DMD: variants seen among roughly 807,000 people sequenced by gnomAD.
DMD encodes the protein mutant dystrophin.
In DMD, 63 loss-of-function variants were observed where a neutral mutation model predicts 330.1. The ratio of observed to expected loss-of-function variants is 0.19; its 90% confidence interval spans 0.16 to 0.24. The LOEUF is 0.24. Ranked by LOEUF, DMD falls within the 10% of genes least tolerant of loss-of-function variation. The probability of loss-of-function intolerance (pLI) is 1.00; values close to 1 mark genes in which losing one functional copy is unlikely to be tolerated. For missense variants in DMD, 3,344 were observed against 2,684.1 expected (o/e 1.25, Z -5.43); for synonymous variants, 1,223 against 959.8 (o/e 1.27, Z -5.07).
intron 60 of DMD, among the ~76,000 whole-genome samples, chrX:31,367,207 T>C (rs4829221): frequency 4.5e-5 from 5 of 110,119 alleles, no homozygotes; most frequent in African/African-American, 1.7e-4. Context: ...GAAAATCTTG[T>C]TCCTTTCCTC....
At chrX:32,973,705 C>T (rs1435274398) in intron 2 of DMD, among the ~76,000 whole-genome samples, 1 of 111,828 alleles carries the variant, frequency 8.9e-6, no homozygotes, top group Non-Finnish European at 1.9e-5. Flanking sequence ...TGTGTCCTAT[C>T]TGAATTTATT....
chrX:32,915,128 T>C (rs1237298915), intron 2 of DMD, among the ~76,000 whole-genome samples: 1 of 101,087 alleles, frequency 9.9e-6, no homozygotes, highest in Non-Finnish European at 2.1e-5. Context: ...ATTCAGGCAA[T>C]GTTTACTATC....
At chrX:33,143,403 A>C (rs1299191809) in intron 1 of DMD, among the ~76,000 whole-genome samples, 1 of 111,225 alleles carries the variant, frequency 9.0e-6, no homozygotes, top group Non-Finnish European at 1.9e-5. Flanking sequence ...GAGTCTTAGA[A>C]AGGTTAAATA....
At chrX:32,886,608 A>G (rs951775536) in intron 2 of DMD, among the ~76,000 whole-genome samples, 7 of 110,196 alleles carry the variant, frequency 6.4e-5, no homozygotes, top group Non-Finnish European at 1.1e-4. Context: ...GCGTGAACCC[A>G]GGAGGCGAAG....
At chrX:32,881,597 G>C (rs372636623) in intron 2 of DMD, among the ~76,000 whole-genome samples, 38 of 111,999 alleles carry the variant, frequency 3.4e-4, no homozygotes, top group Non-Finnish European at 6.4e-4. Context: ...AAATTCAAGA[G>C]GGCAAACTAA....
chrX:33,044,661 A>C (rs777839341), intron 1 of DMD, among the ~76,000 whole-genome samples: 1 of 112,063 alleles, frequency 8.9e-6, no homozygotes, highest in South Asian at 3.7e-4. Flanking sequence ...CCGAGTGCTA[A>C]TTCAGAACCA....
intron 51 of DMD, among the ~76,000 whole-genome samples, chrX:31,769,440 T>G (rs1355704806): frequency 8.9e-6 from 1 of 112,202 alleles, no homozygotes; most frequent in Non-Finnish European, 1.9e-5. Flanking sequence ...TATTGGTATA[T>G]GAATGGTCTT....
At chrX:32,197,001 A>AAAAC (rs1339587371) in intron 44 of DMD, among the ~76,000 whole-genome samples, 1 of 71,189 alleles carries the variant, frequency 1.4e-5, no homozygotes, top group East Asian at 4.5e-4. Context: ...AAAAAAAAAA[A>AAAAC]AAAACAAAAA....
At chrX:31,950,658 T>G (rs2095148825) in intron 45 of DMD, among the ~76,000 whole-genome samples, 1 of 110,890 alleles carries the variant, frequency 9.0e-6, no homozygotes, top group Non-Finnish European at 1.9e-5. Flanking sequence ...ATCATAGAAT[T>G]TGGGACTTTC....
chrX:32,791,918 T>C (rs1318928987), intron 7 of DMD, among the ~76,000 whole-genome samples: 2 of 111,717 alleles, frequency 1.8e-5, no homozygotes, highest in Non-Finnish European at 3.8e-5. Context: ...TTCAAAAATG[T>C]CTTGTCCATG....
chrX:32,888,702 T>G (rs953763971), intron 2 of DMD, among the ~76,000 whole-genome samples: 1 of 112,124 alleles, frequency 8.9e-6, no homozygotes, highest in Non-Finnish European at 1.9e-5. Flanking sequence ...AGTAGATATC[T>G]GCACACCCGT....
chrX:32,729,193 G>A (rs759583718), intron 7 of DMD, among the ~76,000 whole-genome samples: 1 of 111,575 alleles, frequency 9.0e-6, no homozygotes, highest in Non-Finnish European at 1.9e-5. Flanking sequence ...GAATCATTTC[G>A]GATTTCAGAT....
chrX:31,929,956 C>T (rs113647868), intron 46 of DMD, among the ~76,000 whole-genome samples: 147 of 111,047 alleles, frequency 1.3e-3, no homozygotes, highest in African/African-American at 4.1e-3. Flanking sequence ...AGAAAATAAA[C>T]GATTATATTA....
At chrX:31,716,990 C>A (rs887718565) in intron 52 of DMD, among the ~76,000 whole-genome samples, 1 of 110,550 alleles carries the variant, frequency 9.0e-6, no homozygotes, top group South Asian at 3.8e-4. Flanking sequence ...TGGATTAAAT[C>A]CTGGTTCCGC....
At chrX:32,690,024 A>C (rs1418367189) in intron 9 of DMD, among the ~76,000 whole-genome samples, 1 of 110,037 alleles carries the variant, frequency 9.1e-6, no homozygotes, top group East Asian at 2.8e-4. Flanking sequence ...CATTCTTGCC[A>C]CTTCTACCGA....
chrX:33,002,934 G>A (rs2093320260), intron 2 of DMD, among the ~76,000 whole-genome samples: 1 of 107,070 alleles, frequency 9.3e-6, no homozygotes, highest in Admixed American at 1.0e-4. Flanking sequence ...TGCACCAGGT[G>A]TGCTAAAACA....
At chrX:31,843,692 T>C (rs1001187832) in intron 48 of DMD, among the ~76,000 whole-genome samples, 1 of 111,900 alleles carries the variant, frequency 8.9e-6, no homozygotes, top group African/African-American at 3.3e-5. Flanking sequence ...TTTCTTTTGC[T>C]GTGTAGAAGC....
chrX:33,118,636 C>T (rs1286266829), intron 1 of DMD, among the ~76,000 whole-genome samples: 3 of 111,438 alleles, frequency 2.7e-5, no homozygotes, highest in East Asian at 2.8e-4. Flanking sequence ...AATGGATTAG[C>T]GATAAAATTA....
chrX:31,749,822 T>C (rs1401578044), intron 51 of DMD, among the ~76,000 whole-genome samples: 3 of 106,278 alleles, frequency 2.8e-5, no homozygotes, highest in Admixed American at 1.0e-4. Context: ...CCTGACTTTT[T>C]AATGATTGCC....
Sources: gnomAD v4.1 joint callset for allele counts (sites outside exome capture counted in the v4.1 genomes callset) on GRCh38, gnomAD v4.1.1 for gene constraint, MANE v1.5 for transcripts, NCBI Gene and HGNC (gene_info 2026-07-23, HGNC 2026-07-21) for gene names.